AK2: variants seen among roughly 807,000 people sequenced by gnomAD.
The protein encoded by AK2 is adenylate kinase 2, mitochondrial.
A neutral mutation model predicts 24.6 loss-of-function variants in AK2; 15 were observed. The ratio of observed to expected loss-of-function variants is 0.61; its 90% CI spans 0.41 to 0.94. The LOEUF is 0.94. Ranked by LOEUF, AK2 falls within the 40% of genes least tolerant of loss-of-function variation. AK2 has a pLI of 0.00. For synonymous variants in AK2, 102 were observed against 114.0 expected (o/e 0.90, Z 0.67); for missense variants, 257 against 304.1 (o/e 0.85, Z 1.15).
At chr1:33,031,600 G>A (rs1193317422) in intron 1 of AK2, 2 of 456,036 alleles carry the variant, frequency 4.4e-6, no homozygotes, top group Non-Finnish European at 8.8e-6. Context: ...TCAGATGCAA[G>A]CTCTGTAAAT....
At chr1:33,014,641 G>T in intron 4 of AK2, 47 bp from the exon 5 acceptor site, 3 of 1,508,252 alleles carry the variant, frequency 2.0e-6, no homozygotes, top group Non-Finnish European at 9.2e-7. Flanking sequence ...GACAGTACGC[G>T]CCTGCACTCC....
chr1:33,021,143 T>A (rs1639523582), intron 4 of AK2, among the ~76,000 whole-genome samples: 1 of 151,456 alleles, frequency 6.6e-6, no homozygotes, highest in Admixed American at 6.6e-5. Context: ...TAGACTCCCA[T>A]CTAAAAAAAA....
In AK2 at chr1:33,011,353, G is replaced by C; in HGVS notation, c.*1828C>G. 7.8e-7 allele frequency: 1 copy of C among 1,287,894 alleles called. No individual in the cohort carries two copies. Among genetic ancestry groups the C allele is most frequent in the Non-Finnish European group, 1.0e-6 (1 of 989,172 alleles). 79.8% of individuals were successfully genotyped at this position (1,287,894 alleles called of 1,614,324 possible). A position where few individuals can be genotyped will look rare whatever the true frequency, so the allele number is the denominator to read the frequency against. On this transcript the variant is annotated 3_prime_UTR_variant, in exon 6 of 6. Transcript: ENST00000672715. ...ATTCCCAGAAGTCATGTGCTTCCCA[G>C]AAACACACAAAGCCAGACTGAGTTT... is the stretch of plus-strand genomic sequence containing the variant.
At position 33,014,587 on chromosome 1, in the gene AK2, G is replaced by C. The variant is rs749178848; in HGVS notation, c.433C>G (p.His145Asp). ...TGGTAGGAACGGCCACTCTTGGGGT[G>C]AATCAGCCTGAAAGACAGCAAATGA... ...LIRRITGRLI[H>D]PKSGRSYHEE... Residue 145 changes from histidine (H) to aspartate (D), a missense_variant, in exon 5 of 6, where the codon CAC (histidine) becomes GAC (aspartate). Physicochemically the swap from His to Asp is moderately conservative, Grantham distance 81. Coordinates refer to ENST00000672715, the MANE Select transcript of AK2 (RefSeq NM_001625.4). 34 of 1,610,906 alleles carry C rather than the reference G, an allele frequency of 2.1e-5. No individual in the cohort carries two copies. Among genetic ancestry groups the C allele is most frequent in the Admixed American group, 1.7e-5 (1 of 59,886 alleles).
rs1569646572 is a variant in AK2, at chr1:33,021,530, A to G, written c.330+63T>C. On this transcript the variant is annotated intron_variant, in intron 3 of 5. Transcript: ENST00000672715. ...TAGACCCATCTCCTTCAAAGGAATT[A>G]AGAAAGACAAAGGACAAGAATTTGG... The G allele has an allele frequency of 7.5e-6, 12 of 1,604,542 alleles. No individual in the cohort carries two copies. The East Asian group carries it at 2.5e-4, about 33-fold the overall frequency.
rs267606648 is a variant in AK2, at chr1:33,021,616, G to T, written c.307C>A (p.Arg103=). The part of the protein sequence containing the change: ...KNGFLLDGFP[R]TVRQAEMLDD... ...ACCATTTCTGCCTGCCTCACAGTCC[G>T]AGGGAAGCCATCCAGAAGAAAACCA... Residue 103 remains arginine, a synonymous_variant, in exon 3 of 6, where the codon CGG becomes AGG. Coordinates refer to ENST00000672715, the MANE Select transcript of AK2 (RefSeq NM_001625.4). 33 of 1,613,962 alleles carry T rather than the reference G, an allele frequency of 2.0e-5. No individual in the cohort carries two copies. The highest frequency in any genetic ancestry group is 2.4e-5 in the Non-Finnish European group (28 of 1,179,956).
Position 33,011,297 on chromosome 1 carries a change from A to AT in AK2, c.*1883_*1884insA. 1 of 1,291,168 alleles carries AT rather than the reference A, an allele frequency of 7.7e-7. No homozygotes were observed. Among genetic ancestry groups the AT allele is most frequent in the African/African-American group, 1.5e-5 (1 of 66,104 alleles). 80.0% of individuals were successfully genotyped at this position (1,291,168 alleles called of 1,614,324 possible). A position where few individuals can be genotyped will look rare whatever the true frequency, so the allele number is the denominator to read the frequency against. On this transcript the variant is annotated 3_prime_UTR_variant, in exon 6 of 6. Transcript: ENST00000672715. ...ATCCCAGACCAGGCACACATAGCTG[A>AT]CAGTTTTTGTTTCACTCCTCTTCCT...
chr1:33,024,831 T>C (rs1639772166), intron 1 of AK2, among the ~76,000 whole-genome samples: 1 of 152,168 alleles, frequency 6.6e-6, no homozygotes, highest in Non-Finnish European at 1.5e-5. Flanking sequence ...GTCATAAATA[T>C]TAATTATCAC....
Position 33,014,498 on chromosome 1 carries a change from ATTTT to A in AK2, c.498+20_498+23del. ...AGAAAGGGGAAGGAAAGAAAAGGAA[ATTTT>A]TTGTCCTGAGTTTACATACGTCATC... On this transcript the variant is annotated intron_variant, in intron 5 of 5. Coordinates refer to ENST00000672715, the MANE Select transcript of AK2 (RefSeq NM_001625.4). 6.2e-7 allele frequency: 1 copy of A among 1,600,604 alleles called. No individual in the cohort carries two copies. Among genetic ancestry groups the A allele is most frequent in the Non-Finnish European group, 8.6e-7 (1 of 1,168,700 alleles).
intron 4 of AK2, chr1:33,019,892 AG>A: frequency 7.4e-7 from 1 of 1,357,400 alleles, no homozygotes; most frequent in Non-Finnish European, 9.5e-7. Flanking sequence ...AGCAATTAAA[AG>A]TAATGGTCAT....
Position 33,011,406 on chromosome 1 carries a change from G to A in AK2, c.*1775C>T, listed in dbSNP as rs1342766053. On this transcript the variant is annotated 3_prime_UTR_variant, in exon 6 of 6. Transcript: ENST00000672715. ...ATTAAGAGTGGGTGGAGTTGGTTTA[G>A]AGCCAGGAAAACAAGGCAGGACAGA... The A allele has an allele frequency of 2.3e-6, 3 of 1,287,290 alleles. No individual in the cohort carries two copies. Among genetic ancestry groups the A allele is most frequent in the Admixed American group, 4.6e-5 (2 of 43,544 alleles). 79.7% of individuals were successfully genotyped at this position (1,287,290 alleles called of 1,614,324 possible).
Position 33,012,912 on chromosome 1 carries a change from AAAG to A in AK2, c.*266_*268del, listed in dbSNP as rs531417183. On this transcript the variant is annotated 3_prime_UTR_variant, in exon 6 of 6. Transcript: ENST00000672715. ...AACCTTGTCTCAAAACAACAACAAAAAAGAAGTAAACAGCTGGTAAAGCAACCT... is the reference window on the plus strand; with the variant it reads ...AACCTTGTCTCAAAACAACAACAAAAAAGTAAACAGCTGGTAAAGCAACCT... The A allele has an allele frequency of 5.8e-3, 8,235 of 1,416,548 alleles. 36 individuals carry two copies. Among genetic ancestry groups the A allele is most frequent in the Non-Finnish European group, 6.7e-3 (7,185 of 1,071,312 alleles). The allele number at this position is 1,416,548 out of a possible 1,614,324, so 87.7% of individuals were successfully genotyped here.
chr1:33,019,811 T>C, intron 4 of AK2: 3 of 1,129,632 alleles, frequency 2.7e-6, no homozygotes, highest in Non-Finnish European at 3.3e-6. Flanking sequence ...AGTGGCTAAC[T>C]GGAAGAAACA....
rs1308578195 is a variant in AK2 at position 33,008,289 on chromosome 1, G to C, written c.*4892C>G. Reference sequence around the variant, plus strand: ...GATGAGGTGAGATAACTTGTCCAAGGTCGCATGGTGAAGTCGCTGTTGAAA... The same window carrying C: ...GATGAGGTGAGATAACTTGTCCAAGCTCGCATGGTGAAGTCGCTGTTGAAA... On this transcript the variant is annotated 3_prime_UTR_variant, in exon 6 of 6. Transcript: ENST00000672715. The C allele has an allele frequency of 1.3e-5, 6 of 453,906 alleles. No individual in the cohort carries two copies. The Admixed American group carries it at 1.4e-4, about 11-fold the overall frequency. The allele number at this position is 453,906 out of a possible 1,614,324, so 28.1% of individuals were successfully genotyped here. A position where few individuals can be genotyped will look rare whatever the true frequency, so the allele number is the denominator to read the frequency against.
chr1:33,011,772 AG>A lies in AK2; in HGVS notation c.*1408del. ...GCAGGGACCTTAGAAAATGCTCAATAGTTGGGAAGCTAAGGTTATGAATAAA... is the reference window on the plus strand; with the variant it reads ...GCAGGGACCTTAGAAAATGCTCAATATTGGGAAGCTAAGGTTATGAATAAA... On this transcript the variant is annotated 3_prime_UTR_variant, in exon 6 of 6. Transcript: ENST00000672715. The A allele has an allele frequency of 7.0e-7, 1 of 1,426,680 alleles. No homozygotes were observed. Among genetic ancestry groups the A allele is most frequent in the Non-Finnish European group, 9.3e-7 (1 of 1,079,284 alleles). The allele number at this position is 1,426,680 out of a possible 1,614,324, so 88.4% of individuals were successfully genotyped here. A position where few individuals can be genotyped will look rare whatever the true frequency, so the allele number is the denominator to read the frequency against.
At chr1:33,026,660 T>C (rs186295547) in intron 1 of AK2, among the ~76,000 whole-genome samples, 6 of 149,980 alleles carry the variant, frequency 4.0e-5, no homozygotes, top group East Asian at 2.0e-4. Context: ...ATAAAAAAAT[T>C]AGCCGGGCAT....
rs539993543 is a variant in AK2 at position 33,008,375 on chromosome 1, A to C, written c.*4806T>G. On this transcript the variant is annotated 3_prime_UTR_variant, in exon 6 of 6. Transcript: ENST00000672715. The stretch of plus-strand genomic sequence containing the variant: ...GGAAAGACTTGTGAGGCTTCTGAGG[A>C]GGCTGCTCTCCATCCTGCTGTGTTC... The C allele has an allele frequency of 2.2e-6, 1 of 454,096 alleles. No individual in the cohort carries two copies. Among genetic ancestry groups the C allele is most frequent in the Non-Finnish European group, 4.4e-6 (1 of 226,786 alleles). 28.1% of individuals were successfully genotyped at this position (454,096 alleles called of 1,614,324 possible). A position where few individuals can be genotyped will look rare whatever the true frequency, so the allele number is the denominator to read the frequency against.
intron 1 of AK2, among the ~76,000 whole-genome samples, chr1:33,025,764 G>A (rs1639837880): frequency 6.6e-6 from 1 of 152,184 alleles, no homozygotes; most frequent in African/African-American, 2.4e-5. Flanking sequence ...CTGTATCACT[G>A]GGTTGATGAG....
At chr1:33,027,694 C>T (rs893600971) in intron 1 of AK2, among the ~76,000 whole-genome samples, 4 of 148,000 alleles carry the variant, frequency 2.7e-5, no homozygotes, top group Non-Finnish European at 4.4e-5. Context: ...TTGCAGTGAG[C>T]GGAGATCGCG....
Sources: allele counts gnomAD v4.1 joint callset (sites outside exome capture counted in the v4.1 genomes callset), GRCh38; gene constraint gnomAD v4.1.1; transcripts MANE v1.5; gene names NCBI Gene and HGNC (gene_info 2026-07-23, HGNC 2026-07-21).